Variants in MAN2B2 observed in about 807,000 individuals in gnomAD.
The protein encoded by MAN2B2 is epididymis-specific alpha-mannosidase.
MAN2B2 carries 106 observed loss-of-function variants against 117.1 expected under a neutral mutation model. That is an observed-to-expected ratio of 0.90 (90% CI 0.77 to 1.06). MAN2B2 has a LOEUF of 1.06. Ranked by LOEUF, MAN2B2 falls within the 50% of genes least tolerant of loss-of-function variation. The probability of loss-of-function intolerance (pLI) is 0.00; values close to 1 mark genes in which losing one functional copy is unlikely to be tolerated. For synonymous variants in MAN2B2, 544 were observed against 595.1 expected (o/e 0.91, Z 1.25); for missense variants, 1,326 against 1,381.4 (o/e 0.96, Z 0.64).
intron 5 of MAN2B2, among the ~76,000 whole-genome samples, chr4:6,590,111 C>T (rs1163118203): frequency 3.3e-5 from 5 of 151,790 alleles, no homozygotes. Flanking sequence ...GTAGCTCATG[C>T]CTGTAATCCC....
In MAN2B2 at chr4:6,600,730, G is replaced by A. The variant is rs781557822; in HGVS notation, c.1513G>A (p.Glu505Lys). Residue 505 changes from glutamate to lysine, a missense_variant, in exon 10 of 19, where the codon GAG becomes AAG. Transcript: ENST00000285599. ...VGFPGVRVTD[E>K]AGHPVPSQIQ... ...TTTCCCTGGAGTCCGCGTCACAGAT[G>A]AGGCGGGCCACCCAGTGCCCTCGCA... 3.7e-6 allele frequency: 6 copies of A among 1,613,816 alleles called. No individual in the cohort carries two copies. In the South Asian group the frequency reaches 5.5e-5, roughly 15 times the overall value.
chr4:6,599,170 T>G (rs1422168720), intron 9 of MAN2B2, among the ~76,000 whole-genome samples: 1 of 152,162 alleles, frequency 6.6e-6, no homozygotes, highest in Non-Finnish European at 1.5e-5. Flanking sequence ...CAGTCATAGG[T>G]CACTGCTGCC....
chr4:6,612,269 G>C (rs564757566), intron 15 of MAN2B2, among the ~76,000 whole-genome samples: 1 of 152,350 alleles, frequency 6.6e-6, no homozygotes, highest in East Asian at 1.9e-4. Flanking sequence ...GAGTTTTCCT[G>C]GGCTGTTGGA....
At chr4:6,587,940 G>A (rs184528524) in intron 4 of MAN2B2, among the ~76,000 whole-genome samples, 20 of 151,878 alleles carry the variant, frequency 1.3e-4, no homozygotes, top group Admixed American at 4.6e-4. Flanking sequence ...TGTGTTTTTT[G>A]TAGAGACGGG....
chr4:6,597,376 C>A, intron 8 of MAN2B2, 73 bp downstream of exon 8: 1 of 1,425,066 alleles, frequency 7.0e-7, no homozygotes, highest in Non-Finnish European at 9.3e-7. Flanking sequence ...CTTGTCCTAG[C>A]CAATCCTTCC....
intron 11 of MAN2B2, among the ~76,000 whole-genome samples, chr4:6,606,334 G>C (rs981902796): frequency 1.3e-5 from 2 of 152,246 alleles, no homozygotes; most frequent in African/African-American, 4.8e-5. Flanking sequence ...CTGAGGGAAA[G>C]TGGGGCAGGT....
chr4:6,579,279 A>G (rs1726290720), intron 3 of MAN2B2, among the ~76,000 whole-genome samples: 1 of 121,766 alleles, frequency 8.2e-6, no homozygotes, highest in African/African-American at 3.1e-5. Flanking sequence ...CATCACCACC[A>G]CCATCACCAT....
At chr4:6,614,935 G>A (rs1435309993) in intron 16 of MAN2B2, among the ~76,000 whole-genome samples, 1 of 152,228 alleles carries the variant, frequency 6.6e-6, no homozygotes, top group Non-Finnish European at 1.5e-5. Flanking sequence ...ATGATGGGGG[G>A]CTCCCCGAGG....
At chr4:6,597,346 A>C in intron 8 of MAN2B2, 43 bp downstream of exon 8, 1 of 1,499,880 alleles carries the variant, frequency 6.7e-7, no homozygotes, top group Non-Finnish European at 8.9e-7. Flanking sequence ...GGAACCTCCC[A>C]TGCTGCGCAC....
chr4:6,615,679 G>A (rs1374032311), intron 16 of MAN2B2, among the ~76,000 whole-genome samples: 1 of 151,998 alleles, frequency 6.6e-6, no homozygotes, highest in Non-Finnish European at 1.5e-5. Flanking sequence ...GCTTGCCTGT[G>A]GTCCCAGCTA....
At position 6,621,235 on chromosome 4, in the gene MAN2B2, G is replaced by A. The variant is rs201734782; in HGVS notation, c.2980G>A (p.Val994Ile). 30 of 1,614,048 alleles carry A rather than the reference G, an allele frequency of 1.9e-5. No homozygotes were observed. The highest frequency in any genetic ancestry group is 6.7e-5 in the East Asian group (3 of 44,858). ...SRPPGGPIITVHPKEIRTFFI... is the reference protein window; with the variant it reads ...SRPPGGPIITIHPKEIRTFFI... ...GCCACCAGGAGGCCCCATCATCACCGTCCACCCAAAGGAAATCCGGACGTT... is the reference window on the plus strand; with the variant it reads ...GCCACCAGGAGGCCCCATCATCACCATCCACCCAAAGGAAATCCGGACGTT... The change falls in exon 19 of 19, where the codon GTC (valine) becomes ATC (isoleucine). Residue 994 changes from valine to isoleucine, a missense_variant. Coordinates refer to ENST00000285599, the MANE Select transcript of MAN2B2 (RefSeq NM_015274.3).
chr4:6,593,029 C>T (rs1359773498), intron 5 of MAN2B2, 144 bp from the exon 6 acceptor site: 20 of 728,824 alleles, frequency 2.7e-5, no homozygotes, highest in East Asian at 3.1e-5. Flanking sequence ...TGTGACCCAC[C>T]GTCGGTCATG....
At chr4:6,589,478 T>G (rs921377042) in intron 5 of MAN2B2, among the ~76,000 whole-genome samples, 3 of 152,196 alleles carry the variant, frequency 2.0e-5, no homozygotes, top group African/African-American at 7.2e-5. Flanking sequence ...TGACCTGAGA[T>G]GATCCACCTG....
At position 6,609,291 on chromosome 4, in the gene MAN2B2, T is replaced by G; in HGVS notation, c.1999T>G (p.Phe667Val). ...GQLVTEIRQY[F>V]YRNMTAQNYT... is the part of the protein sequence containing the mutation. ...GCTTGTGACTGAGATCCGGCAGTAC[T>G]TCTACAGGTGCTTCCCCTGGGGTGA... is the stretch of plus-strand genomic sequence containing the variant. Residue 667 changes from phenylalanine (F) to valine (V), a missense_variant, in exon 12 of 19, where the codon TTC becomes GTC. Phe to Val is a conservative substitution (Grantham distance 50). Transcript: ENST00000285599. 1 of 1,613,738 alleles carries G rather than the reference T, an allele frequency of 6.2e-7. No individual in the cohort carries two copies. The highest frequency in any genetic ancestry group is 8.5e-7 in the Non-Finnish European group (1 of 1,179,866).
chr4:6,578,525 G>A (rs368347741), intron 3 of MAN2B2, 27 bp downstream of exon 3: 7 of 1,591,334 alleles, frequency 4.4e-6, no homozygotes, highest in Admixed American at 3.4e-5. Flanking sequence ...CTGCACCCAG[G>A]GTCCCTCAGG....
At chr4:6,586,519 C>A (rs559807912) in intron 3 of MAN2B2, among the ~76,000 whole-genome samples, 1 of 152,288 alleles carries the variant, frequency 6.6e-6, no homozygotes, top group Admixed American at 6.5e-5. Context: ...CATGCAGGAA[C>A]CTTAAGGACA....
rs1247249082 is a variant in MAN2B2 at position 6,593,260 on chromosome 4, A to G, written c.768A>G (p.Pro256=). 1 of 1,614,018 alleles carries G rather than the reference A, an allele frequency of 6.2e-7. No homozygotes were observed. ...VYPNMSEPVT[P]ANINLYAEAL... ...CCAACATGAGTGAGCCTGTCACCCCAGCCAACATCAACCTCTATGCCGAGG... is the reference window on the plus strand; with the variant it reads ...CCAACATGAGTGAGCCTGTCACCCCGGCCAACATCAACCTCTATGCCGAGG... Residue 256 remains proline, a synonymous_variant, in exon 6 of 19, where the codon CCA becomes CCG. Transcript: ENST00000285599.
chr4:6,591,493 C>A (rs192369560), intron 5 of MAN2B2, among the ~76,000 whole-genome samples: 3 of 152,184 alleles, frequency 2.0e-5, no homozygotes, highest in Middle Eastern at 3.2e-3. Flanking sequence ...CTGCAGAGGA[C>A]GTGAGTGGCT....
intron 16 of MAN2B2, among the ~76,000 whole-genome samples, chr4:6,614,851 C>T (rs922568667): frequency 1.3e-5 from 2 of 152,332 alleles, no homozygotes; most frequent in Middle Eastern, 3.4e-3. Context: ...GCTTTCTGAG[C>T]GCTTGGTCTA....
Sources: gnomAD v4.1 joint callset for allele counts (sites outside exome capture counted in the v4.1 genomes callset) on GRCh38, gnomAD v4.1.1 for gene constraint, MANE v1.5 for transcripts, NCBI Gene and HGNC (gene_info 2026-07-23, HGNC 2026-07-21) for gene names.